Variants in SMARCC1 observed in about 807,000 individuals in gnomAD.
The protein encoded by SMARCC1 is SWI/SNF related BAF chromatin remodeling complex subunit C1.
SMARCC1 carries 43 observed loss-of-function variants against 147.4 expected under a neutral mutation model. The observed-to-expected ratio is 0.29, with a 90% CI of 0.23 to 0.38. The LOEUF is 0.38. Among genes scored for constraint, SMARCC1 ranks in the 10% least tolerant of loss-of-function variants. SMARCC1 has a pLI of 1.00. For synonymous variants in SMARCC1, 495 were observed against 484.4 expected, an observed-to-expected ratio of 1.02 and a Z score of -0.29; for missense variants, 1,119 against 1,381.1, an observed-to-expected ratio of 0.81 and a Z score of 3.01.
At chr3:47,652,801 T>C (rs1056124183) in intron 21 of SMARCC1, among the ~76,000 whole-genome samples, 7 of 152,248 alleles carry the variant, frequency 4.6e-5, no homozygotes, top group South Asian at 4.1e-4. Flanking sequence ...CAGAAATTAA[T>C]AGTTCTTGGT....
At chr3:47,775,749 G>C (rs1388792310) in intron 1 of SMARCC1, among the ~76,000 whole-genome samples, 1 of 152,024 alleles carries the variant, frequency 6.6e-6, no homozygotes, top group African/African-American at 2.4e-5. Context: ...CCGCACTCCA[G>C]CCTGGGTGCA....
intron 16 of SMARCC1, 54 bp downstream of exon 16, chr3:47,678,144 A>G (rs886747225): frequency 2.4e-5 from 24 of 1,005,770 alleles, no homozygotes; most frequent in Middle Eastern, 2.1e-4. Context: ...ATTAGACAGC[A>G]TGCATAAGTA....
intron 10 of SMARCC1, among the ~76,000 whole-genome samples, chr3:47,705,323 C>CAAAAAA (rs754344034): frequency 9.6e-6 from 1 of 103,754 alleles, no homozygotes; most frequent in Non-Finnish European, 1.9e-5. Context: ...GACTCCGTCT[C>CAAAAAA]AAAAAAAAAA....
chr3:47,780,512 A>T (rs1239043224), intron 1 of SMARCC1, among the ~76,000 whole-genome samples: 1 of 152,164 alleles, frequency 6.6e-6, no homozygotes, highest in Non-Finnish European at 1.5e-5. Context: ...CCCATGCCTA[A>T]TAACTGCCAA....
At chr3:47,650,929 T>A (rs1405999252) in intron 21 of SMARCC1, among the ~76,000 whole-genome samples, 1 of 152,182 alleles carries the variant, frequency 6.6e-6, no homozygotes, top group Non-Finnish European at 1.5e-5. Context: ...AAATATGTTA[T>A]CTGCATAATA....
chr3:47,774,479 G>A (rs113800289), intron 1 of SMARCC1, among the ~76,000 whole-genome samples: 21 of 152,108 alleles, frequency 1.4e-4, no homozygotes, highest in African/African-American at 3.6e-4. Context: ...GCACAGTGGC[G>A]CAATCTCTGC....
intron 21 of SMARCC1, among the ~76,000 whole-genome samples, chr3:47,652,079 C>T (rs1205523119): frequency 6.6e-6 from 1 of 152,214 alleles, no homozygotes; most frequent in Non-Finnish European, 1.5e-5. Flanking sequence ...AGGTGATCCT[C>T]TCACCTTGTC....
chr3:47,752,165 T>A (rs2034637215), intron 2 of SMARCC1, among the ~76,000 whole-genome samples: 1 of 152,148 alleles, frequency 6.6e-6, no homozygotes, highest in Non-Finnish European at 1.5e-5. Context: ...TATCCATACA[T>A]CAAGGATTCT....
rs192968654 is a variant in SMARCC1, at chr3:47,665,720, C to T, written c.1900-3128G>A. On this transcript the variant is annotated intron_variant, in intron 19 of 27. Transcript: ENST00000254480. The stretch of plus-strand genomic sequence containing the variant: ...AGAGAATAATGCGGTGACACACTGG[C>T]CAGGAAGGAGGATGATTCAATGAAA... Among the ~76,000 whole-genome samples the T allele has an allele frequency of 2.6e-3, 388 of 152,108 alleles. 2 individuals carry two copies. Among genetic ancestry groups the T allele is most frequent in the Non-Finnish European group, 3.9e-3 (262 of 67,986 alleles).
At chr3:47,650,246 AGCCTGGGC>A (rs1440408600) in intron 21 of SMARCC1, among the ~76,000 whole-genome samples, 19 of 150,506 alleles carry the variant, frequency 1.3e-4, no homozygotes, top group Non-Finnish European at 2.7e-4. Context: ...ACTGCACTCT[AGCCTGGGC>A]GACAGAGCGA....
intron 26 of SMARCC1, among the ~76,000 whole-genome samples, chr3:47,607,642 G>A (rs1402823494): frequency 6.6e-6 from 1 of 152,190 alleles, no homozygotes; most frequent in African/African-American, 2.4e-5. Flanking sequence ...TAATGATGCT[G>A]GCAGTTAAGC....
chr3:47,683,986 C>T (rs1391776797), intron 14 of SMARCC1, among the ~76,000 whole-genome samples: 1 of 152,114 alleles, frequency 6.6e-6, no homozygotes, highest in Non-Finnish European at 1.5e-5. Context: ...GGCGCGGTGG[C>T]TCACGCCTGT....
At chr3:47,767,173 A>G (rs1244215648) in intron 2 of SMARCC1, among the ~76,000 whole-genome samples, 27 of 101,206 alleles carry the variant, frequency 2.7e-4, no homozygotes, top group Admixed American at 5.7e-4. Context: ...ACAGAGCATG[A>G]TTCTGTCTCC....
intron 24 of SMARCC1, among the ~76,000 whole-genome samples, chr3:47,629,076 T>C (rs530124175): frequency 2.0e-5 from 3 of 152,318 alleles, no homozygotes; most frequent in East Asian, 1.9e-4. Flanking sequence ...GACTGGGCCC[T>C]GATGAAGGAA....
intron 2 of SMARCC1, among the ~76,000 whole-genome samples, chr3:47,763,706 CA>C (rs1165357040): frequency 4.0e-5 from 6 of 151,678 alleles, no homozygotes; most frequent in Non-Finnish European, 7.4e-5. Context: ...TATATTTTCA[CA>C]ACACAAAATA....
chr3:47,668,043 A>G (rs2033445215), intron 19 of SMARCC1, among the ~76,000 whole-genome samples: 1 of 152,168 alleles, frequency 6.6e-6, no homozygotes. Context: ...GCATATATAT[A>G]TAGATACGCA....
At chr3:47,749,724 C>CACACACACACACAA (rs1222821568) in intron 2 of SMARCC1, among the ~76,000 whole-genome samples, 1 of 114,108 alleles carries the variant, frequency 8.8e-6, no homozygotes, top group Non-Finnish European at 1.9e-5. Flanking sequence ...CACACACACA[C>CACACACACACACAA]AGAGAAAGAG....
chr3:47,646,384 G>T (rs1169894229), intron 21 of SMARCC1, among the ~76,000 whole-genome samples: 2 of 152,156 alleles, frequency 1.3e-5, no homozygotes, highest in East Asian at 3.8e-4. Context: ...AAACCAACAG[G>T]TTAAAAATCC....
intron 8 of SMARCC1, among the ~76,000 whole-genome samples, chr3:47,712,457 TAAC>T (rs987817572): frequency 6.6e-5 from 10 of 152,146 alleles, no homozygotes; most frequent in Non-Finnish European, 1.5e-4. Flanking sequence ...GATAATCCTT[TAAC>T]TACTGAGAAA....
Sources: allele counts gnomAD v4.1 joint callset (sites outside exome capture counted in the v4.1 genomes callset), GRCh38; gene constraint gnomAD v4.1.1; transcripts MANE v1.5; gene names NCBI Gene and HGNC (gene_info 2026-07-23, HGNC 2026-07-21).